The following MCFD2 variants were observed in gnomAD, a reference collection of about 807,000 sequenced individuals.
MCFD2 encodes the protein multiple coagulation factor deficiency 2, ER cargo receptor complex subunit.
A neutral mutation model predicts 12.8 loss-of-function variants in MCFD2; 11 were observed. The ratio of observed to expected loss-of-function variants is 0.86; its 90% CI spans 0.54 to 1.42. The LOEUF (loss-of-function observed/expected upper bound fraction) is 1.42. Among genes scored for constraint, MCFD2 ranks in the 40% most tolerant of loss-of-function variants. The pLI is 0.00. For synonymous variants in MCFD2, 70 were observed against 68.1 expected, an observed-to-expected ratio of 1.03 and a Z score of -0.14; for missense variants, 191 against 178.6, an observed-to-expected ratio of 1.07 and a Z score of -0.40.
chr2:46,941,426 C>T lies in MCFD2; in HGVS notation c.-8+146G>A, dbSNP rs1179463344. 4.5e-5 allele frequency: 52 copies of T among 1,150,590 alleles called. No homozygotes were observed. The highest frequency in any genetic ancestry group is 5.1e-5 in the Non-Finnish European group (46 of 905,100). 71.3% of individuals were successfully genotyped at this position (1,150,590 alleles called of 1,614,324 possible). A position where few individuals can be genotyped will look rare whatever the true frequency, so the allele number is the denominator to read the frequency against. On this transcript the variant is annotated intron_variant, in intron 1 of 2. Transcript: ENST00000409147. This position sits in a 1 kb window ranked among gnomAD's most constrained non-coding sequence, Gnocchi z 4.2. ...CGGGCCCCCGCTGCCGCCCGGGCCCCGGCTGCCGTCTGCGCCCCCGTCGAC... is the reference window on the plus strand; with the variant it reads ...CGGGCCCCCGCTGCCGCCCGGGCCCTGGCTGCCGTCTGCGCCCCCGTCGAC...
At position 46,915,795 on chromosome 2, in the gene MCFD2, T is replaced by C. The variant is rs1668730641; in HGVS notation, c.-79A>G. 3 of 825,458 alleles carry C rather than the reference T, an allele frequency of 3.6e-6. No individual in the cohort carries two copies. The highest frequency in any genetic ancestry group is 2.5e-5 in the African/African-American group (1 of 39,622). 51.1% of individuals were successfully genotyped at this position (825,458 alleles called of 1,614,324 possible). ...CCAGCCCCCGTCCCCAAAACGCTCTTCCTCGGCTTCGCCCCGCCCCCCCCC... is the reference window on the plus strand; with the variant it reads ...CCAGCCCCCGTCCCCAAAACGCTCTCCCTCGGCTTCGCCCCGCCCCCCCCC... On this transcript the variant is annotated 5_prime_UTR_variant, in exon 1 of 4. Transcript: ENST00000319466.
Position 46,903,243 on chromosome 2 carries a change from C to T in MCFD2, c.*2220G>A, listed in dbSNP as rs1448673599. ...TGTAAGAAGTGTCTTTTGCCTCCCA[C>T]CATGATTCTGAGGCCTCCCCAGCCA... is the stretch of plus-strand genomic sequence containing the variant. On this transcript the variant is annotated 3_prime_UTR_variant, in exon 4 of 4. Coordinates refer to ENST00000319466, the MANE Select transcript of MCFD2 (RefSeq NM_139279.6). The T allele has an allele frequency of 1.9e-5, 3 of 156,288 alleles. No homozygotes were observed. The highest frequency in any genetic ancestry group is 7.2e-5 in the African/African-American group (3 of 41,662). 9.7% of individuals were successfully genotyped at this position (156,288 alleles called of 1,614,324 possible).
At chr2:46,906,470 C>T (rs555873955) in intron 3 of MCFD2, among the ~76,000 whole-genome samples, 5 of 143,758 alleles carry the variant, frequency 3.5e-5, no homozygotes, top group African/African-American at 5.2e-5. Context: ...TGTGGAGGCA[C>T]GAGGATTTTT....
chr2:46,931,842 G>A (rs1669724433), intron 1 of MCFD2, among the ~76,000 whole-genome samples: 2 of 152,138 alleles, frequency 1.3e-5, no homozygotes, highest in Admixed American at 6.5e-5. Flanking sequence ...GGAATTTTAA[G>A]ATAATGAATA....
Position 46,903,890 on chromosome 2 carries a change from A to G in MCFD2, c.*1573T>C, listed in dbSNP as rs966762131. ...ATTCAAGCCAGCTGCAGAAATTTGC[A>G]TAAGTAGCAAGGAGCCTAATGTTAA... On this transcript the variant is annotated 3_prime_UTR_variant, in exon 4 of 4. Coordinates refer to ENST00000319466, the MANE Select transcript of MCFD2 (RefSeq NM_139279.6). 1 of 152,214 alleles carries G rather than the reference A, an allele frequency of 6.6e-6. No individual in the cohort carries two copies. The highest frequency in any genetic ancestry group is 6.5e-5 in the Admixed American group (1 of 15,292). 9.4% of individuals were successfully genotyped at this position (152,214 alleles called of 1,614,324 possible). A position where few individuals can be genotyped will look rare whatever the true frequency, so the allele number is the denominator to read the frequency against.
intron 1 of MCFD2, among the ~76,000 whole-genome samples, chr2:46,929,344 G>A (rs1434204345): frequency 6.6e-6 from 1 of 151,994 alleles, no homozygotes; most frequent in Non-Finnish European, 1.5e-5. Context: ...AAAACTACCT[G>A]GCTGTGGTGG....
chr2:46,916,941 G>GT (rs1184646536), upstream of MCFD2, among the ~76,000 whole-genome samples: 15 of 150,976 alleles, frequency 9.9e-5, no homozygotes, highest in East Asian at 2.0e-4. Flanking sequence ...CAGGACGGTC[G>GT]TTTTTTTTAA....
In MCFD2 at chr2:46,910,438, G is replaced by A. The variant is rs190939722; in HGVS notation, c.-6-1261C>T. 2.4e-3 allele frequency among the ~76,000 whole-genome samples: 365 copies of A among 152,272 alleles called. 1 individual carries two copies. Among genetic ancestry groups the A allele is most frequent in the Middle Eastern group, 0.01 (3 of 294 alleles). On this transcript the variant is annotated intron_variant, in intron 1 of 3. Coordinates refer to ENST00000319466, the MANE Select transcript of MCFD2 (RefSeq NM_139279.6). ...TAACAAGGCCAGGGATTTCTAACAGGTCAATTGTAGTCCACAGCCCCAAAC... is the reference window on the plus strand; with the variant it reads ...TAACAAGGCCAGGGATTTCTAACAGATCAATTGTAGTCCACAGCCCCAAAC...
intron 1 of MCFD2, among the ~76,000 whole-genome samples, chr2:46,911,451 G>GT (rs1428647843): frequency 6.4e-5 from 9 of 141,566 alleles, no homozygotes; most frequent in African/African-American, 2.4e-4. Context: ...TATATCTGTA[G>GT]TTTAAAAAAA....
chr2:46,903,694 G>C lies in MCFD2; in HGVS notation c.*1769C>G, dbSNP rs778711051. Reference sequence around the variant, plus strand: ...TTTGTGGAACTTTGAACTTGAGAGAGATGATTTAGGTTAACTAGCGGAAGA... The same window carrying C: ...TTTGTGGAACTTTGAACTTGAGAGACATGATTTAGGTTAACTAGCGGAAGA... On this transcript the variant is annotated 3_prime_UTR_variant, in exon 4 of 4. Transcript: ENST00000319466. 6.6e-6 allele frequency: 1 copy of C among 152,264 alleles called. No individual in the cohort carries two copies. The highest frequency in any genetic ancestry group is 1.5e-5 in the Non-Finnish European group (1 of 68,086). 9.4% of individuals were successfully genotyped at this position (152,264 alleles called of 1,614,324 possible). A position where few individuals can be genotyped will look rare whatever the true frequency, so the allele number is the denominator to read the frequency against.
At chr2:46,930,801 G>T (rs891067528) in intron 1 of MCFD2, among the ~76,000 whole-genome samples, 3 of 152,080 alleles carry the variant, frequency 2.0e-5, no homozygotes, top group Non-Finnish European at 4.4e-5. Context: ...CACCCAGCCT[G>T]AAGTCCTATA....
At chr2:46,910,538 C>G (rs1328103456) in intron 1 of MCFD2, among the ~76,000 whole-genome samples, 1 of 152,190 alleles carries the variant, frequency 6.6e-6, no homozygotes, top group Non-Finnish European at 1.5e-5. Flanking sequence ...AGCTCAGAAG[C>G]TGTAGCTGTC....
upstream of MCFD2, among the ~76,000 whole-genome samples, chr2:46,919,446 T>C (rs1283399090): frequency 1.3e-5 from 2 of 152,182 alleles, no homozygotes; most frequent in Admixed American, 6.5e-5. Flanking sequence ...AGCAGGAGAA[T>C]TGCTTGAACC....
chr2:46,908,264 C>CTTT lies in MCFD2; in HGVS notation c.150-298_150-296dup. 1.4e-5 allele frequency: 5 copies of CTTT among 349,078 alleles called. No individual in the cohort carries two copies. The highest frequency in any genetic ancestry group is 2.7e-5 in the Non-Finnish European group (5 of 183,774). 21.6% of individuals were successfully genotyped at this position (349,078 alleles called of 1,614,324 possible). On this transcript the variant is annotated intron_variant, in intron 2 of 3. Coordinates refer to ENST00000319466, the MANE Select transcript of MCFD2 (RefSeq NM_139279.6). This position sits in a 1 kb window ranked among gnomAD's most constrained non-coding sequence, Gnocchi z 4.5. ...CAATTTAAAAATATGTCCTTTAAAA[C>CTTT]TTTTTTTTTTTTTTGAGACAGGGTC...
chr2:46,903,576 T>A lies in MCFD2; in HGVS notation c.*1887A>T, dbSNP rs1668097691. 2 of 152,210 alleles carry A rather than the reference T, an allele frequency of 1.3e-5. No individual in the cohort carries two copies. Among genetic ancestry groups the A allele is most frequent in the South Asian group, 4.1e-4 (2 of 4,826 alleles). The allele number at this position is 152,210 out of a possible 1,614,324, so 9.4% of individuals were successfully genotyped here. The stretch of plus-strand genomic sequence containing the variant: ...AAGTCCAGGCTGAGGTGGCCTCAGA[T>A]GAAGATGAGGAACTTGTTGGGAACT... On this transcript the variant is annotated 3_prime_UTR_variant, in exon 4 of 4. Coordinates refer to ENST00000319466, the MANE Select transcript of MCFD2 (RefSeq NM_139279.6).
intron 1 of MCFD2, among the ~76,000 whole-genome samples, chr2:46,921,492 T>C (rs906273043): frequency 5.3e-5 from 8 of 152,254 alleles, no homozygotes; most frequent in Non-Finnish European, 8.8e-5. Flanking sequence ...TTCTGTTCTC[T>C]GAAGTTCTTG....
intron 1 of MCFD2, among the ~76,000 whole-genome samples, chr2:46,935,636 G>A (rs572544791): frequency 2.1e-4 from 32 of 152,200 alleles, no homozygotes; most frequent in African/African-American, 4.6e-4. Flanking sequence ...ATTGAGGCCC[G>A]CAGTGATCCA....
Position 46,940,960 on chromosome 2 carries a change from G to A in MCFD2, c.-8+612C>T, listed in dbSNP as rs557077159. ...GTCTCCCAGGCTAAGAGCCCCGATG[G>A]GATGGGGAGGGGGCGGGAAGCGAGG... On this transcript the variant is annotated intron_variant, in intron 1 of 2. Coordinates refer to the MCFD2 transcript ENST00000409147. The surrounding 1 kb of genome is among the most constrained non-coding windows in gnomAD (Gnocchi z 4.7). Among the ~76,000 whole-genome samples, 2 of 152,262 alleles carry A rather than the reference G, an allele frequency of 1.3e-5. No homozygotes were observed. The highest frequency in any genetic ancestry group is 2.4e-5 in the African/African-American group (1 of 41,580).
rs1670252974 is a variant in MCFD2 at position 46,940,678 on chromosome 2, C to T, written c.-8+894G>A. 6.6e-6 allele frequency among the ~76,000 whole-genome samples: 1 copy of T among 152,226 alleles called. No homozygotes were observed. Among genetic ancestry groups the T allele is most frequent in the Non-Finnish European group, 1.5e-5 (1 of 68,038 alleles). On this transcript the variant is annotated intron_variant, in intron 1 of 2. Transcript: ENST00000409147. The surrounding 1 kb of genome is among the most constrained non-coding windows in gnomAD (Gnocchi z 4.7). ...AGGGAAGTCAAGTTGGAAAGAGGAA[C>T]TCCGCTAAAATAAGAAAATACAAAT...
Sources: allele counts gnomAD v4.1 joint callset (sites outside exome capture counted in the v4.1 genomes callset), GRCh38; gene constraint gnomAD v4.1.1; non-coding constraint Gnocchi (gnomAD v3.1); transcripts MANE v1.5; gene names NCBI Gene and HGNC (gene_info 2026-07-23, HGNC 2026-07-21).